Variants in YES1 observed in about 807,000 individuals in gnomAD.
The protein encoded by YES1 is YES proto-oncogene 1, Src family tyrosine kinase, also known as tyrosine-protein kinase Yes.
Under a neutral mutation model 70.4 loss-of-function variants are expected in YES1, and 39 were observed. The ratio of observed to expected loss-of-function variants is 0.55; its 90% CI spans 0.43 to 0.72. The LOEUF (loss-of-function observed/expected upper bound fraction) is 0.72, where lower values mean the gene tolerates loss of function less well. Among genes scored for constraint, YES1 ranks in the 30% least tolerant of loss-of-function variants. The pLI is 0.00. For synonymous variants in YES1, 198 were observed against 218.6 expected (o/e 0.91, Z 0.83); for missense variants, 495 against 644.8 (o/e 0.77, Z 2.52).
At chr18:806,205 G>A (rs904476133) in intron 1 of YES1, among the ~76,000 whole-genome samples, 5 of 152,008 alleles carry the variant, frequency 3.3e-5, no homozygotes, top group African/African-American at 4.8e-5. Flanking sequence ...AAAAATCTAG[G>A]ATTTTTCTTC....
At chr18:757,029 C>T (rs1181415957) in intron 1 of YES1, among the ~76,000 whole-genome samples, 194 bp from the exon 2 acceptor site, 1 of 152,210 alleles carries the variant, frequency 6.6e-6, no homozygotes, top group African/African-American at 2.4e-5. Flanking sequence ...AAAAGCCCTA[C>T]TCCAATCGCT....
At chr18:779,209 C>T (rs746784197) in intron 1 of YES1, among the ~76,000 whole-genome samples, 28 of 151,838 alleles carry the variant, frequency 1.8e-4, no homozygotes, top group Non-Finnish European at 3.1e-4. Context: ...CAGGACCAGC[C>T]TGGGCAACAA....
In YES1 at chr18:759,610, C is replaced by CT. The variant is rs200955379; in HGVS notation, c.-8-2776dup. ...GTGTCTGTACTAAATAACGTACAGACTTTTTTTCCTTGTCATTATTCCCTA... is the reference window on the plus strand; with the variant it reads ...GTGTCTGTACTAAATAACGTACAGACTTTTTTTTCCTTGTCATTATTCCCTA... On this transcript the variant is annotated intron_variant, in intron 1 of 11. Transcript: ENST00000314574. 1.3e-4 allele frequency among the ~76,000 whole-genome samples: 20 copies of CT among 152,160 alleles called. 1 individual carries two copies. The highest frequency in any genetic ancestry group is 1.0e-3 in the South Asian group (5 of 4,824).
rs568151270 is a variant in YES1 at position 776,175 on chromosome 18, C to T, written c.-8-19340G>A. 2.0e-4 allele frequency among the ~76,000 whole-genome samples: 30 copies of T among 151,706 alleles called. 1 individual carries two copies. In the South Asian group the frequency reaches 6.0e-3, roughly 31 times the overall value. Reference sequence around the variant, plus strand: ...CATGAGAATTACCATTGCTTTACATCATCAATACTTGGTATACTCGATCTT... The same window carrying T: ...CATGAGAATTACCATTGCTTTACATTATCAATACTTGGTATACTCGATCTT... On this transcript the variant is annotated intron_variant, in intron 1 of 11. Coordinates refer to ENST00000314574, the MANE Select transcript of YES1 (RefSeq NM_005433.4).
rs548132166 is a variant in YES1 at position 723,264 on chromosome 18, A to G, written c.*1160T>C. On this transcript the variant is annotated 3_prime_UTR_variant, in exon 12 of 12. Coordinates refer to ENST00000314574, the MANE Select transcript of YES1 (RefSeq NM_005433.4). Reference sequence around the variant, plus strand: ...TAAGAAAAATTAGTTTTATAGTTATACTTTATAACTCTTCAAAGTCTCAGA... The same window carrying G: ...TAAGAAAAATTAGTTTTATAGTTATGCTTTATAACTCTTCAAAGTCTCAGA... The G allele has an allele frequency of 6.5e-6, 1 of 152,712 alleles. No homozygotes were observed. Among genetic ancestry groups the G allele is most frequent in the East Asian group, 1.9e-4 (1 of 5,188 alleles). 9.5% of individuals were successfully genotyped at this position (152,712 alleles called of 1,614,324 possible).
chr18:731,296 A>G (rs553906852), intron 11 of YES1, among the ~76,000 whole-genome samples: 1 of 152,354 alleles, frequency 6.6e-6, no homozygotes, highest in East Asian at 1.9e-4. Flanking sequence ...TAGAAGAATC[A>G]TCACCATGTG....
intron 11 of YES1, among the ~76,000 whole-genome samples, chr18:732,333 G>T (rs943308009): frequency 6.6e-5 from 10 of 150,990 alleles, no homozygotes; most frequent in African/African-American, 2.4e-4. Context: ...CCAGCTACTT[G>T]GGAGGCTGAG....
chr18:807,807 AG>A (rs1327789945), intron 1 of YES1, among the ~76,000 whole-genome samples: 1 of 152,190 alleles, frequency 6.6e-6, no homozygotes, highest in Non-Finnish European at 1.5e-5. Context: ...TCCACTTCCT[AG>A]GAGAAAGTAG....
At chr18:739,637 C>A in intron 9 of YES1, 98 bp downstream of exon 9, 1 of 950,036 alleles carries the variant, frequency 1.1e-6, no homozygotes, top group East Asian at 2.8e-5. Flanking sequence ...AATAAAATCC[C>A]ACCATTTCAC....
At chr18:746,486 G>A (rs996800911) in intron 4 of YES1, among the ~76,000 whole-genome samples, 2 of 152,054 alleles carry the variant, frequency 1.3e-5, no homozygotes, top group East Asian at 3.8e-4. Flanking sequence ...AATATGTGTG[G>A]GTTTAATTTA....
chr18:731,250 CAGG>C lies in YES1; in HGVS notation c.1423+1581_1423+1583del, dbSNP rs200496737. Among the ~76,000 whole-genome samples, 1,137 of 152,210 alleles carry C rather than the reference CAGG, an allele frequency of 7.5e-3. 17 individuals carry two copies. The highest frequency in any genetic ancestry group is 0.025 in the African/African-American group (1,058 of 41,516). Reference sequence around the variant, plus strand: ...AGGTAGAGTGAAAGACAAGATTACACAGGAGAAGAGTTCAAGCTACAAGAGACC... The same window carrying C: ...AGGTAGAGTGAAAGACAAGATTACACAGAAGAGTTCAAGCTACAAGAGACC... On this transcript the variant is annotated intron_variant, in intron 11 of 11. Coordinates refer to ENST00000314574, the MANE Select transcript of YES1 (RefSeq NM_005433.4).
chr18:804,688 G>A (rs1486352779), intron 1 of YES1, among the ~76,000 whole-genome samples: 55 of 143,282 alleles, frequency 3.8e-4, no homozygotes, highest in African/African-American at 1.4e-3. Context: ...CAAGGCGGGC[G>A]GATCACCTGA....
chr18:725,693 GC>G (rs1443561694), intron 11 of YES1, among the ~76,000 whole-genome samples: 8 of 152,094 alleles, frequency 5.3e-5, no homozygotes, highest in African/African-American at 1.9e-4. Context: ...TTCAAGACCA[GC>G]CTTGCCAACA....
At chr18:810,408 G>C (rs1280494099) in intron 1 of YES1, among the ~76,000 whole-genome samples, 1 of 151,966 alleles carries the variant, frequency 6.6e-6, no homozygotes, top group African/African-American at 2.4e-5. Context: ...TCGACCACAA[G>C]ACAAATTCCA....
chr18:796,121 A>G (rs58982033), intron 1 of YES1, among the ~76,000 whole-genome samples: 8,793 of 152,224 alleles, frequency 0.058, 356 homozygotes, highest in East Asian at 0.13. Flanking sequence ...TGAAGTTCAC[A>G]TGAAAAAGTA....
intron 10 of YES1, among the ~76,000 whole-genome samples, chr18:733,395 G>T (rs1298934113): frequency 6.6e-6 from 1 of 151,942 alleles, no homozygotes; most frequent in African/African-American, 2.4e-5. Flanking sequence ...AAATTTTATT[G>T]TACTACTTTT....
intron 1 of YES1, among the ~76,000 whole-genome samples, chr18:809,054 T>C (rs1907239918): frequency 2.0e-5 from 3 of 152,194 alleles, no homozygotes; most frequent in Non-Finnish European, 2.9e-5. Context: ...TGAGTTTTAA[T>C]TGTCATGTTA....
chr18:780,111 G>A (rs1905584014), intron 1 of YES1, among the ~76,000 whole-genome samples: 1 of 152,072 alleles, frequency 6.6e-6, no homozygotes, highest in Non-Finnish European at 1.5e-5. Context: ...GCACGCACCT[G>A]CTACTTGGGA....
intron 2 of YES1, among the ~76,000 whole-genome samples, chr18:753,558 C>T (rs1160040959): frequency 6.6e-6 from 1 of 152,110 alleles, no homozygotes; most frequent in Non-Finnish European, 1.5e-5. Flanking sequence ...ACGATCTGGG[C>T]TCACCACAAC....
Sources: allele counts gnomAD v4.1 joint callset (sites outside exome capture counted in the v4.1 genomes callset), GRCh38; gene constraint gnomAD v4.1.1; transcripts MANE v1.5; gene names NCBI Gene and HGNC (gene_info 2026-07-23, HGNC 2026-07-21).